Variants in CLIC2 observed in about 807,000 individuals in gnomAD.
The protein encoded by CLIC2 is CLIC family member 2, also known as chloride intracellular channel protein 2.
In CLIC2, 9 loss-of-function variants were observed where a neutral mutation model predicts 14.8. The ratio of observed to expected loss-of-function variants is 0.61; its 90% CI spans 0.37 to 1.06. The LOEUF is 1.06. Among genes scored for constraint, CLIC2 ranks in the 50% least tolerant of loss-of-function variants. The pLI, the probability that CLIC2 is intolerant of heterozygous loss-of-function variation, is 0.01. For synonymous variants in CLIC2, 61 were observed against 66.3 expected (o/e 0.92, Z 0.39); for missense variants, 148 against 181.4 (o/e 0.82, Z 1.06).
intron 3 of CLIC2, among the ~76,000 whole-genome samples, chrX:155,297,229 G>A (rs1602939220): frequency 1.8e-5 from 2 of 111,416 alleles, no homozygotes; most frequent in Admixed American, 1.9e-4. Flanking sequence ...AAAATAGCAT[G>A]TTCTCACTTA....
intron 1 of CLIC2, among the ~76,000 whole-genome samples, chrX:155,328,223 C>T (rs1400144645): frequency 9.0e-6 from 1 of 110,929 alleles, no homozygotes; most frequent in East Asian, 2.8e-4. Context: ...AGTCAAATTA[C>T]CTTGTTTGCA....
At chrX:155,294,649 A>G (rs782185715) in intron 3 of CLIC2, among the ~76,000 whole-genome samples, 12 of 112,038 alleles carry the variant, frequency 1.1e-4, no homozygotes, top group Admixed American at 5.7e-4. Flanking sequence ...ACTAACCAAA[A>G]AAGTAGAAGA....
At chrX:155,314,001 C>A (rs782130901) in intron 1 of CLIC2, among the ~76,000 whole-genome samples, 1 of 111,107 alleles carries the variant, frequency 9.0e-6, no homozygotes, top group Non-Finnish European at 1.9e-5. Flanking sequence ...GCCTGGGAAC[C>A]ACACCCCCAT....
intron 3 of CLIC2, among the ~76,000 whole-genome samples, chrX:155,293,590 A>G (rs2074982591): frequency 8.9e-6 from 1 of 112,322 alleles, no homozygotes; most frequent in African/African-American, 3.2e-5. Context: ...ACATAAACAG[A>G]TTAAATATTC....
intron 1 of CLIC2, among the ~76,000 whole-genome samples, chrX:155,305,085 C>T (rs1356511989): frequency 8.9e-5 from 10 of 112,428 alleles, no homozygotes; most frequent in African/African-American, 3.2e-4. Flanking sequence ...AGGCAGACCT[C>T]TTTGAGCTGT....
chrX:155,332,436 T>C (rs1404115478), intron 1 of CLIC2, among the ~76,000 whole-genome samples: 1 of 111,735 alleles, frequency 8.9e-6, no homozygotes, highest in East Asian at 2.8e-4. Flanking sequence ...TCAATGTCAT[T>C]AGATAAGCTT....
chrX:155,331,135 G>A (rs1287171427), intron 1 of CLIC2, among the ~76,000 whole-genome samples: 3 of 110,532 alleles, frequency 2.7e-5, no homozygotes, highest in Non-Finnish European at 5.7e-5. Flanking sequence ...GTCAGACTAA[G>A]GATCCAATCA....
Position 155,281,512 on chromosome X carries a change from T to TA in CLIC2, c.294-1445dup, listed in dbSNP as rs1164778190. On this transcript the variant is annotated intron_variant, in intron 3 of 5. Coordinates refer to ENST00000369449, the MANE Select transcript of CLIC2 (RefSeq NM_001289.6). Reference sequence around the variant, plus strand: ...GGCTAAAACACTCAATTCCTTTTCATAAAAAAAAATTCACTGGAAGCTAGA... The same window carrying TA: ...GGCTAAAACACTCAATTCCTTTTCATAAAAAAAAAATTCACTGGAAGCTAGA... Among the ~76,000 whole-genome samples the TA allele has an allele frequency of 1.3e-3, 142 of 109,761 alleles. 1 individual carries two copies. The highest frequency in any genetic ancestry group is 4.4e-3 in the African/African-American group (133 of 30,197).
chrX:155,310,672 G>T (rs1160151047), intron 1 of CLIC2, among the ~76,000 whole-genome samples: 1 of 112,096 alleles, frequency 8.9e-6, no homozygotes, highest in Non-Finnish European at 1.9e-5. Flanking sequence ...ACCCCAGTGG[G>T]GACTCTGTGT....
chrX:155,295,171 G>A (rs782741293), intron 3 of CLIC2, among the ~76,000 whole-genome samples: 6 of 111,574 alleles, frequency 5.4e-5, no homozygotes, highest in Non-Finnish European at 9.4e-5. Flanking sequence ...AATACACCAT[G>A]ATCAAGTGGG....
At position 155,288,916 on chromosome X, in the gene CLIC2, G is replaced by A. The variant is rs191189197; in HGVS notation, c.294-8848C>T. Reference sequence around the variant, plus strand: ...TCCCAGCACTTTGGGAGGGCAAGGCGGGCGGGTCACCTGAGGTCGGGAGTT... The same window carrying A: ...TCCCAGCACTTTGGGAGGGCAAGGCAGGCGGGTCACCTGAGGTCGGGAGTT... On this transcript the variant is annotated intron_variant, in intron 3 of 5. Coordinates refer to ENST00000369449, the MANE Select transcript of CLIC2 (RefSeq NM_001289.6). Among the ~76,000 whole-genome samples the A allele has an allele frequency of 4.7e-4, 52 of 110,840 alleles. 1 individual carries two copies. The East Asian group carries it at 5.1e-3, about 11-fold the overall frequency.
intron 1 of CLIC2, among the ~76,000 whole-genome samples, chrX:155,329,584 T>A (rs1220348000): frequency 9.2e-6 from 1 of 108,822 alleles, no homozygotes; most frequent in African/African-American, 3.3e-5. Flanking sequence ...ACACTGTTGA[T>A]GGGAATGTAA....
chrX:155,330,040 G>A (rs1557322657), intron 1 of CLIC2, among the ~76,000 whole-genome samples: 1 of 111,219 alleles, frequency 9.0e-6, no homozygotes, highest in Non-Finnish European at 1.9e-5. Flanking sequence ...GCTGGGAAGG[G>A]TAGTGAGTCT....
intron 1 of CLIC2, among the ~76,000 whole-genome samples, chrX:155,314,030 C>T (rs2075085041): frequency 9.0e-6 from 1 of 111,237 alleles, no homozygotes; most frequent in Non-Finnish European, 1.9e-5. Context: ...GCAGCCACAG[C>T]AAGCTACACT....
intron 1 of CLIC2, among the ~76,000 whole-genome samples, chrX:155,319,628 C>G (rs192397707): frequency 8.9e-6 from 1 of 111,732 alleles, no homozygotes. Context: ...CAAAACTGGG[C>G]GGCCATTTGG....
At chrX:155,327,970 C>CA (rs1391822554) in intron 1 of CLIC2, among the ~76,000 whole-genome samples, 53 of 110,599 alleles carry the variant, frequency 4.8e-4, no homozygotes, top group African/African-American at 1.5e-3. Flanking sequence ...CCCTTTATGA[C>CA]AAAAAACCCT....
chrX:155,323,477 A>T (rs1476925932), intron 1 of CLIC2, among the ~76,000 whole-genome samples: 1 of 112,272 alleles, frequency 8.9e-6, no homozygotes, highest in Non-Finnish European at 1.9e-5. Context: ...GATAAAATTC[A>T]ATATACCTTC....
rs979755087 is a variant in CLIC2 at position 155,292,572 on chromosome X, C to T, written c.293+6213G>A. 1.0e-5 allele frequency: 4 copies of T among 392,684 alleles called. No individual in the cohort carries two copies. The African/African-American group carries it at 1.1e-4, about 10-fold the overall frequency. The allele number at this position is 392,684 out of a possible 1,213,427, so 32.4% of individuals were successfully genotyped here. On this transcript the variant is annotated intron_variant, in intron 3 of 5. Coordinates refer to ENST00000369449, the MANE Select transcript of CLIC2 (RefSeq NM_001289.6). ...GATCACGAGGTCAGGAGATCGAGAC[C>T]ATCCTGGCTAACACGGTGAAACCCC...
intron 3 of CLIC2, chrX:155,292,422 G>A: frequency 1.8e-6 from 1 of 561,628 alleles, no homozygotes; most frequent in South Asian, 2.3e-5. Flanking sequence ...ACGAATTACA[G>A]ACCATTACAA....
Sources: gnomAD v4.1 joint callset for allele counts (sites outside exome capture counted in the v4.1 genomes callset) on GRCh38, gnomAD v4.1.1 for gene constraint, MANE v1.5 for transcripts, NCBI Gene and HGNC (gene_info 2026-07-23, HGNC 2026-07-21) for gene names.